The following ZSCAN5A variants were observed in gnomAD, a reference collection of about 807,000 sequenced individuals.
ZSCAN5A encodes zinc finger and SCAN domain-containing protein 5A.
A neutral mutation model predicts 23.7 loss-of-function variants in ZSCAN5A; 12 were observed. That is an observed-to-expected ratio of 0.51 (90% CI 0.32 to 0.82). ZSCAN5A has a LOEUF of 0.82. ZSCAN5A is among the 40% of genes least tolerant of loss of function. The pLI is 0.03. For missense variants in ZSCAN5A, 597 were observed against 617.9 expected (o/e 0.97, Z 0.36); for synonymous variants, 257 against 239.9 (o/e 1.07, Z -0.66).
intron 2 of ZSCAN5A, among the ~76,000 whole-genome samples, chr19:56,349,995 T>C (rs2041657940): frequency 6.6e-6 from 1 of 152,236 alleles, no homozygotes; most frequent in Middle Eastern, 3.2e-3. Flanking sequence ...GAAAATTATT[T>C]ACTATGCCAC....
rs139138690 is a variant in ZSCAN5A at position 56,298,788 on chromosome 19, T to C, written c.-128+14495A>G. Among the ~76,000 whole-genome samples the C allele has an allele frequency of 1.9e-3, 285 of 152,328 alleles. 2 individuals are homozygous for C. The highest frequency in any genetic ancestry group is 3.7e-3 in the Admixed American group (56 of 15,300). ...AGTGAATTAAAAGGAAGAAATCACATTGATCTTACAGGAAATCTTCCAGAA... is the reference window on the plus strand; with the variant it reads ...AGTGAATTAAAAGGAAGAAATCACACTGATCTTACAGGAAATCTTCCAGAA... On this transcript the variant is annotated intron_variant, in intron 2 of 5. Transcript: ENST00000683990.
chr19:56,269,804 AC>A (rs1479181853), intron 2 of ZSCAN5A, among the ~76,000 whole-genome samples: 2 of 152,240 alleles, frequency 1.3e-5, no homozygotes, highest in African/African-American at 4.8e-5. Context: ...AGGCAAGGAA[AC>A]AAATTCCTCC....
At chr19:56,339,239 C>A (rs1039166396) in intron 2 of ZSCAN5A, among the ~76,000 whole-genome samples, 1 of 152,264 alleles carries the variant, frequency 6.6e-6, no homozygotes. Flanking sequence ...CAGTTGTAGC[C>A]GTATTTAGCA....
chr19:56,321,075 AG>A, intron 2 of ZSCAN5A: 1 of 701,264 alleles, frequency 1.4e-6, no homozygotes, highest in Non-Finnish European at 2.7e-6. Context: ...AGATAGACTG[AG>A]TATCTGCAGA....
At chr19:56,317,166 T>A (rs2041325963), upstream of ZSCAN5A, 1 of 152,230 alleles carries the variant, frequency 6.6e-6, no homozygotes, top group South Asian at 2.1e-4. Context: ...ATAGTGTTCC[T>A]TTCTAGATGA....
rs935466570 is a variant in ZSCAN5A at position 56,226,571 on chromosome 19, T to G, written c.-127-1398A>C. ...CCCAAAAAGACACATGGAACGAGTG[T>G]TGGTGAGGATTTGGGGGAAAGGGGT... On this transcript the variant is annotated intron_variant, in intron 2 of 5. Coordinates refer to ENST00000683990, the MANE Select transcript of ZSCAN5A (RefSeq NM_001322064.3). Among the ~76,000 whole-genome samples, 6 of 152,114 alleles carry G rather than the reference T, an allele frequency of 3.9e-5. No homozygotes were observed. The South Asian group carries it at 8.3e-4, about 21-fold the overall frequency.
At chr19:56,325,230 G>C (rs763420131) in intron 2 of ZSCAN5A, among the ~76,000 whole-genome samples, 1 of 152,086 alleles carries the variant, frequency 6.6e-6, no homozygotes, top group Non-Finnish European at 1.5e-5. Flanking sequence ...TGCCATTTAC[G>C]TGGGATAAAG....
intron 2 of ZSCAN5A, among the ~76,000 whole-genome samples, chr19:56,272,491 T>A (rs187552109): frequency 6.6e-6 from 1 of 152,174 alleles, no homozygotes; most frequent in Non-Finnish European, 1.5e-5. Flanking sequence ...TTTTCTTTTG[T>A]TTTTTCCCTC....
intron 2 of ZSCAN5A, among the ~76,000 whole-genome samples, chr19:56,237,896 G>A (rs2035058180): frequency 7.3e-6 from 1 of 137,928 alleles, no homozygotes; most frequent in Admixed American, 7.3e-5. Flanking sequence ...CAGCCTGGGT[G>A]GCAGAGTGAG....
chr19:56,322,291 C>T, intron 2 of ZSCAN5A: 2 of 1,114,918 alleles, frequency 1.8e-6, no homozygotes, highest in Admixed American at 3.4e-5. Context: ...TTGTCCCTTT[C>T]ACTGCCTTTT....
At chr19:56,228,995 G>A (rs1244525068) in intron 2 of ZSCAN5A, among the ~76,000 whole-genome samples, 2 of 152,154 alleles carry the variant, frequency 1.3e-5, no homozygotes, top group African/African-American at 4.8e-5. Context: ...GATACACTGA[G>A]GGTCCTACGG....
chr19:56,337,031 G>GTA, intron 2 of ZSCAN5A, among the ~76,000 whole-genome samples: 4 of 152,214 alleles, frequency 2.6e-5, no homozygotes, highest in Non-Finnish European at 5.9e-5. Flanking sequence ...TCGGGGGTCA[G>GTA]GGACCCACTT....
upstream of ZSCAN5A, chr19:56,319,779 C>T (rs892431106): frequency 2.6e-6 from 2 of 769,698 alleles, no homozygotes; most frequent in Non-Finnish European, 4.9e-6. Flanking sequence ...TAAGCCCGGT[C>T]CCTCCTGTAA....
intron 2 of ZSCAN5A, chr19:56,247,245 C>G (rs781677116): frequency 2.4e-6 from 1 of 414,324 alleles, no homozygotes; most frequent in Admixed American, 3.9e-5. Context: ...ACATCTGTCA[C>G]AAACGGTTCA....
rs752800224 is a variant in ZSCAN5A, at chr19:56,222,333, G to C, written c.740-7C>G. 1 of 1,609,600 alleles carries C rather than the reference G, an allele frequency of 6.2e-7. No individual in the cohort carries two copies. Among genetic ancestry groups the C allele is most frequent in the South Asian group, 1.1e-5 (1 of 91,030 alleles). ...TTTGCTCTCACCAGATCTGCTGGAAGAAGGGATTCCACACACACAGTTAAT... is the reference window on the plus strand; with the variant it reads ...TTTGCTCTCACCAGATCTGCTGGAACAAGGGATTCCACACACACAGTTAAT... On this transcript the variant is annotated splice_polypyrimidine_tract_variant and splice_region_variant and intron_variant, in intron 5 of 5. Transcript: ENST00000683990.
intron 2 of ZSCAN5A, among the ~76,000 whole-genome samples, chr19:56,327,385 G>T (rs1202324701): frequency 2.6e-5 from 4 of 151,618 alleles, no homozygotes; most frequent in South Asian, 2.1e-4. Flanking sequence ...CAAAGTGGGG[G>T]ATTACAAGTG....
chr19:56,299,222 C>T (rs2040073156), intron 2 of ZSCAN5A, among the ~76,000 whole-genome samples: 1 of 151,866 alleles, frequency 6.6e-6, no homozygotes, highest in South Asian at 2.1e-4. Flanking sequence ...GCCCTAAACT[C>T]CTAGGCTCAA....
At chr19:56,269,422 G>A (rs1304065455) in intron 2 of ZSCAN5A, among the ~76,000 whole-genome samples, 1 of 152,192 alleles carries the variant, frequency 6.6e-6, no homozygotes, top group African/African-American at 2.4e-5. Context: ...GAGGCAGGCA[G>A]AATAATTGTC....
chr19:56,303,335 G>A (rs931282990), intron 2 of ZSCAN5A, among the ~76,000 whole-genome samples: 39 of 151,916 alleles, frequency 2.6e-4, no homozygotes, highest in Admixed American at 9.8e-4. Flanking sequence ...AAAAATAGCC[G>A]GGCATGGTGG....
Sources: allele counts gnomAD v4.1 joint callset (sites outside exome capture counted in the v4.1 genomes callset), GRCh38; gene constraint gnomAD v4.1.1; transcripts MANE v1.5; gene names NCBI Gene and HGNC (gene_info 2026-07-23, HGNC 2026-07-21).